Variants in HS3ST4 observed in about 807,000 individuals in gnomAD.
The protein encoded by HS3ST4 is heparan sulfate-glucosamine 3-sulfotransferase 4, also known as heparan sulfate glucosamine 3-O-sulfotransferase 4.
A neutral mutation model predicts 29.2 loss-of-function variants in HS3ST4; 17 were observed. That is an observed-to-expected ratio of 0.58 (90% CI 0.40 to 0.87). The LOEUF (loss-of-function observed/expected upper bound fraction) is 0.87. HS3ST4 is among the 40% of genes least tolerant of loss of function. The pLI, the probability that HS3ST4 is intolerant of heterozygous loss-of-function variation, is 0.00. For synonymous variants in HS3ST4, 314 were observed against 285.7 expected (o/e 1.10, Z -1.00); for missense variants, 627 against 634.5 (o/e 0.99, Z 0.13).
intron 1 of HS3ST4, among the ~76,000 whole-genome samples, chr16:25,772,430 A>G (rs565992422): frequency 6.6e-6 from 1 of 152,288 alleles, no homozygotes; most frequent in African/African-American, 2.4e-5. Flanking sequence ...GATCCCGGGT[A>G]AGTTACAGAG....
At chr16:26,116,408 G>A (rs8063428) in intron 1 of HS3ST4, among the ~76,000 whole-genome samples, 86,689 of 151,612 alleles carry the variant, frequency 0.57, 25,128 homozygotes, top group Non-Finnish European at 0.63. Flanking sequence ...CCGCATTCAA[G>A]GGGAGAAGGT....
chr16:26,037,371 T>C (rs369810344), intron 1 of HS3ST4, among the ~76,000 whole-genome samples: 1 of 152,180 alleles, frequency 6.6e-6, no homozygotes, highest in African/African-American at 2.4e-5. Flanking sequence ...TAAGGAGAGA[T>C]TGTGTGCCAA....
chr16:26,098,011 A>G lies in HS3ST4; in HGVS notation c.735-37601A>G, dbSNP rs1898948960. Among the ~76,000 whole-genome samples the G allele has an allele frequency of 1.3e-5, 2 of 152,238 alleles. 1 individual carries two copies. Among genetic ancestry groups the G allele is most frequent in the Middle Eastern group, 6.3e-3 (2 of 316 alleles). ...CTCATCATCACTGGTCATCAGAGAA[A>G]TGCAAATCAAAACCACAATGAGATA... On this transcript the variant is annotated intron_variant, in intron 1 of 1. Transcript: ENST00000331351.
intron 1 of HS3ST4, among the ~76,000 whole-genome samples, chr16:25,839,573 A>C (rs1464905516): frequency 6.6e-6 from 1 of 152,178 alleles, no homozygotes; most frequent in Non-Finnish European, 1.5e-5. Flanking sequence ...TACACAGGAG[A>C]CTTCTCTTTC....
chr16:25,894,490 T>C (rs1968040317), intron 1 of HS3ST4, among the ~76,000 whole-genome samples: 2 of 151,114 alleles, frequency 1.3e-5, no homozygotes, highest in African/African-American at 4.9e-5. Flanking sequence ...GTAGGCCTCT[T>C]TTTCTTTCTT....
chr16:26,067,540 T>C (rs1310744981), intron 1 of HS3ST4, among the ~76,000 whole-genome samples: 1 of 151,992 alleles, frequency 6.6e-6, no homozygotes, highest in Non-Finnish European at 1.5e-5. Flanking sequence ...CCTCACTGAT[T>C]CTGTTTTCTC....
At chr16:25,761,299 A>G (rs1286584766) in intron 1 of HS3ST4, among the ~76,000 whole-genome samples, 3 of 152,204 alleles carry the variant, frequency 2.0e-5, no homozygotes, top group African/African-American at 7.2e-5. Context: ...TGAGATGGAA[A>G]TGTTCTCTGT....
At chr16:25,780,730 A>T (rs1317285305) in intron 1 of HS3ST4, among the ~76,000 whole-genome samples, 1 of 152,192 alleles carries the variant, frequency 6.6e-6, no homozygotes, top group African/African-American at 2.4e-5. Context: ...CAGTCCCTGG[A>T]ACTCAGTAAA....
chr16:25,941,774 C>G (rs1003324505), intron 1 of HS3ST4, among the ~76,000 whole-genome samples: 6 of 151,812 alleles, frequency 4.0e-5, no homozygotes, highest in African/African-American at 1.2e-4. Context: ...GATGGCATTT[C>G]ACTATGTTGG....
chr16:26,059,459 G>C (rs536738997), intron 1 of HS3ST4, among the ~76,000 whole-genome samples: 2 of 152,248 alleles, frequency 1.3e-5, no homozygotes, highest in East Asian at 3.9e-4. Flanking sequence ...AAAGTAGGGC[G>C]GAGAGGGTCC....
chr16:25,813,898 G>A (rs1249711293), intron 1 of HS3ST4, among the ~76,000 whole-genome samples: 1 of 152,080 alleles, frequency 6.6e-6, no homozygotes, highest in Non-Finnish European at 1.5e-5. Flanking sequence ...TTCACACAGT[G>A]GAATATTAAC....
intron 1 of HS3ST4, among the ~76,000 whole-genome samples, chr16:25,817,354 T>C (rs897949717): frequency 1.3e-5 from 2 of 152,178 alleles, no homozygotes; most frequent in Admixed American, 1.3e-4. Context: ...GCGAATTTCT[T>C]AGGAAAAGGG....
At chr16:25,811,794 C>T (rs755098491) in intron 1 of HS3ST4, among the ~76,000 whole-genome samples, 17 of 152,150 alleles carry the variant, frequency 1.1e-4, no homozygotes, top group Non-Finnish European at 1.9e-4. Context: ...ATAAAAATAA[C>T]ATACATGTGT....
intron 1 of HS3ST4, among the ~76,000 whole-genome samples, chr16:26,089,749 T>A (rs1314471975): frequency 6.6e-6 from 1 of 152,178 alleles, no homozygotes; most frequent in Non-Finnish European, 1.5e-5. Flanking sequence ...ATCCAAAAAT[T>A]GGAACAATGA....
intron 1 of HS3ST4, among the ~76,000 whole-genome samples, chr16:26,059,174 G>A (rs1425568347): frequency 2.6e-5 from 4 of 152,168 alleles, no homozygotes; most frequent in East Asian, 3.9e-4. Context: ...GAGTGGAGGC[G>A]AGGGAGAGGT....
intron 1 of HS3ST4, among the ~76,000 whole-genome samples, chr16:25,858,814 T>A (rs1024474171): frequency 3.9e-5 from 6 of 152,148 alleles, no homozygotes; most frequent in African/African-American, 1.2e-4. Flanking sequence ...TTTATAATTT[T>A]AAAAATTTTC....
chr16:25,889,242 C>T (rs1967983757), intron 1 of HS3ST4, among the ~76,000 whole-genome samples: 1 of 152,146 alleles, frequency 6.6e-6, no homozygotes, highest in African/African-American at 2.4e-5. Flanking sequence ...TTCTTGCTCG[C>T]TCTGAGGGAC....
intron 1 of HS3ST4, among the ~76,000 whole-genome samples, chr16:26,119,990 A>G (rs765517206): frequency 4.0e-5 from 6 of 151,838 alleles, no homozygotes; most frequent in Non-Finnish European, 8.8e-5. Context: ...CTAGATGAGG[A>G]GGTGAAGTTT....
chr16:26,089,535 G>A lies in HS3ST4; in HGVS notation c.735-46077G>A, dbSNP rs143835996. 4.2e-3 allele frequency among the ~76,000 whole-genome samples: 645 copies of A among 152,300 alleles called. 2 individuals carry two copies. Among genetic ancestry groups the A allele is most frequent in the Middle Eastern group, 6.8e-3 (2 of 294 alleles). On this transcript the variant is annotated intron_variant, in intron 1 of 1. Coordinates refer to ENST00000331351, the MANE Select transcript of HS3ST4 (RefSeq NM_006040.3). ...GATAGAAGGACAAGGACACTTGAAG[G>A]AAAGAAGAAGGGAGCTTCATGTGTG...
Sources: allele counts gnomAD v4.1 joint callset (sites outside exome capture counted in the v4.1 genomes callset), GRCh38; gene constraint gnomAD v4.1.1; transcripts MANE v1.5; gene names NCBI Gene and HGNC (gene_info 2026-07-23, HGNC 2026-07-21).